ITIH4: variants seen among roughly 807,000 people sequenced by gnomAD.
ITIH4 encodes inter-alpha-trypsin inhibitor heavy chain H4.
A neutral mutation model predicts 111.8 loss-of-function variants in ITIH4; 79 were observed. That is an observed-to-expected ratio of 0.71 (90% CI 0.59 to 0.85). The LOEUF (loss-of-function observed/expected upper bound fraction) is 0.85, where lower values mean the gene tolerates loss of function less well. ITIH4 is among the 40% of genes least tolerant of loss of function. The pLI, the probability that ITIH4 is intolerant of heterozygous loss-of-function variation, is 0.00. For synonymous variants in ITIH4, 472 were observed against 468.3 expected (o/e 1.01, Z -0.10); for missense variants, 1,065 against 1,195.8 (o/e 0.89, Z 1.61).
At position 52,823,604 on chromosome 3, in the gene ITIH4, G is replaced by C; in HGVS notation, c.1491C>G (p.Leu497=). 4.3e-6 allele frequency: 7 copies of C among 1,613,870 alleles called. 1 individual carries two copies. Among genetic ancestry groups the C allele is most frequent in the South Asian group, 2.2e-5 (2 of 91,046 alleles). Residue 497 remains leucine (L), a synonymous_variant, in exon 11 of 24, where the codon CTC becomes CTG. Coordinates refer to ENST00000266041, the MANE Select transcript of ITIH4 (RefSeq NM_002218.5). ...KGSEMVVAGK[L]QDRGPDVLTA... ...TGAGCACATCAGGCCCCCGGTCCTG[G>C]AGCTTCCCAGCCACCACCATCTCTG...
At chr3:52,820,825 T>C in intron 12 of ITIH4, 40 bp from the exon 13 acceptor site, 1 of 1,572,738 alleles carries the variant, frequency 6.4e-7, no homozygotes, top group Non-Finnish European at 8.6e-7. Flanking sequence ...GATCCTTGAA[T>C]TCGGGAACAG....
intron 11 of ITIH4, among the ~76,000 whole-genome samples, chr3:52,822,788 C>T (rs1447719295): frequency 6.6e-6 from 1 of 152,188 alleles, no homozygotes; most frequent in Admixed American, 6.5e-5. Flanking sequence ...ACACGCTGCC[C>T]TCATGCCACA....
rs764294553 is a variant in ITIH4, at chr3:52,824,822, C to T, written c.876+20G>A. On this transcript the variant is annotated intron_variant, in intron 7 of 23. Transcript: ENST00000266041. The surrounding 1 kb of genome is among the most constrained non-coding windows in gnomAD (Gnocchi z 4.3). ...GGGCCTGGGAGTTTTCAGGGCCCTGCCCTGGGCCACAGGACCTACCTGCTG... is the reference window on the plus strand; with the variant it reads ...GGGCCTGGGAGTTTTCAGGGCCCTGTCCTGGGCCACAGGACCTACCTGCTG... The T allele has an allele frequency of 6.3e-7, 1 of 1,581,566 alleles. No individual in the cohort carries two copies. The highest frequency in any genetic ancestry group is 2.2e-5 in the East Asian group (1 of 44,726).
chr3:52,823,455 G>T, intron 11 of ITIH4, 101 bp downstream of exon 11: 1 of 944,154 alleles, frequency 1.1e-6, no homozygotes. Context: ...GCAGCAGAGG[G>T]GAAAGCTGGA....
Position 52,818,103 on chromosome 3 carries a change from C to T in ITIH4, c.2245G>A (p.Asp749Asn), listed in dbSNP as rs771733239. Residue 749 changes from aspartate to asparagine, a missense_variant, in exon 20 of 24, where the codon GAC becomes AAC. Asp to Asn is a conservative substitution (Grantham distance 23, BLOSUM62 1). Transcript: ENST00000266041. ...ACTGGCCCCTGGCGGTGTCTGGGGT[C>T]CACACAGAGCCGCTCCACACTCTGC... ...PGQSVERLCVDPRHRQGPVNL... is the reference protein window; with the variant it reads ...PGQSVERLCVNPRHRQGPVNL... 3 of 1,613,812 alleles carry T rather than the reference C, an allele frequency of 1.9e-6. No homozygotes were observed. The Admixed American group carries it at 5.0e-5, about 27-fold the overall frequency.
At position 52,818,116 on chromosome 3, in the gene ITIH4, C is replaced by T. The variant is rs900238388; in HGVS notation, c.2232G>A (p.Glu744=). The change falls in exon 20 of 24, where the codon GAG becomes GAA. Residue 744 remains glutamate (E), a synonymous_variant. Coordinates refer to ENST00000266041, the MANE Select transcript of ITIH4 (RefSeq NM_002218.5). ...GGTGTCTGGGGTCCACACAGAGCCG[C>T]TCCACACTCTGCCCAGGCAGTGGCA... The part of the protein sequence containing the change: ...AILPLPGQSV[E]RLCVDPRHRQ... 2 of 1,613,874 alleles carry T rather than the reference C, an allele frequency of 1.2e-6. No individual in the cohort carries two copies. The highest frequency in any genetic ancestry group is 1.7e-5 in the Admixed American group (1 of 60,010).
At chr3:52,823,195 G>A (rs1246449716) in intron 11 of ITIH4, 3 of 197,796 alleles carry the variant, frequency 1.5e-5, no homozygotes, top group African/African-American at 7.0e-5. Context: ...TGGGGCCCGG[G>A]GAAAGCTGCC....
chr3:52,813,905 G>A, intron 23 of ITIH4, 70 bp downstream of exon 23: 1 of 1,236,374 alleles, frequency 8.1e-7, no homozygotes, highest in Non-Finnish European at 1.2e-6. Flanking sequence ...GCCCTGGAGA[G>A]CCTGGCTCCT....
rs1431638210 is a variant in ITIH4, at chr3:52,829,230, C to A, written c.140G>T (p.Arg47Leu). The A allele has an allele frequency of 1.9e-6, 3 of 1,613,468 alleles. No individual in the cohort carries two copies. Among genetic ancestry groups the A allele is most frequent in the Non-Finnish European group, 2.5e-6 (3 of 1,179,518 alleles). The change falls in exon 2 of 24, where the codon CGA (arginine) becomes CTA (leucine). Residue 47 changes from arginine (R) to leucine (L), a missense_variant. Transcript: ENST00000266041. Reference sequence around the variant, plus strand: ...GCTGGTGACGACCGTGTGGGCAAATCGGGATGAGACCCTGGAGTCCACGGT... The same window carrying A: ...GCTGGTGACGACCGTGTGGGCAAATAGGGATGAGACCCTGGAGTCCACGGT... ...SLTVDSRVSS[R>L]FAHTVVTSRV...
intron 13 of ITIH4, 27 bp from the exon 14 acceptor site, chr3:52,820,344 G>GAC (rs1559479536): frequency 6.2e-7 from 1 of 1,600,684 alleles, no homozygotes; most frequent in African/African-American, 1.3e-5. Flanking sequence ...GAGAGAGAGA[G>GAC]ACAGACAGAC....
intron 21 of ITIH4, among the ~76,000 whole-genome samples, chr3:52,815,234 TTTTTC>T (rs1700260519): frequency 6.8e-6 from 1 of 147,926 alleles, no homozygotes; most frequent in African/African-American, 2.6e-5. Context: ...TATGTGGGTT[TTTTTC>T]TTTTTTCTTT....
intron 2 of ITIH4, among the ~76,000 whole-genome samples, chr3:52,827,444 G>A (rs1700502253): frequency 6.6e-6 from 1 of 152,248 alleles, no homozygotes. Flanking sequence ...TCATTTTATA[G>A]AAGGGACGAA....
At chr3:52,827,557 A>C (rs535268509) in intron 2 of ITIH4, among the ~76,000 whole-genome samples, 37 of 152,208 alleles carry the variant, frequency 2.4e-4, no homozygotes, top group Admixed American at 4.6e-4. Flanking sequence ...CTTCCATTTC[A>C]CGGACTGTTC....
Position 52,825,937 on chromosome 3 carries a change from G to A in ITIH4, c.708C>T (p.Asn236=), listed in dbSNP as rs145303130. 1.2e-6 allele frequency: 2 copies of A among 1,614,044 alleles called. No individual in the cohort carries two copies. The highest frequency in any genetic ancestry group is 1.3e-5 in the African/African-American group (1 of 74,912). The change falls in exon 6 of 24, where the codon AAC becomes AAT. Residue 236 remains asparagine, a synonymous_variant. Transcript: ENST00000266041. Reference sequence around the variant, plus strand: ...GGTCCACATCATAGCGGATAATGAGGTTGCCGTCCAGGACTGTTTCTTGCT... The same window carrying A: ...GGTCCACATCATAGCGGATAATGAGATTGCCGTCCAGGACTGTTTCTTGCT... ...PEQQETVLDG[N]LIIRYDVDRA...
chr3:52,814,412 A>C (rs373966086), intron 21 of ITIH4, 49 bp from the exon 22 acceptor site: 3 of 1,555,000 alleles, frequency 1.9e-6, no homozygotes, highest in Non-Finnish European at 2.7e-6. Flanking sequence ...ACGTGTGCAC[A>C]GAACCTCAGT....
intron 1 of ITIH4, chr3:52,830,258 G>A (rs769491248): frequency 7.3e-5 from 33 of 451,972 alleles, no homozygotes; most frequent in Non-Finnish European, 1.3e-4. Context: ...TTGAGACATA[G>A]TCAGCATAAA....
Position 52,824,106 on chromosome 3 carries a change from G to T in ITIH4, c.1171+84C>A. The T allele has an allele frequency of 6.3e-7, 1 of 1,584,702 alleles. No individual in the cohort carries two copies. Among genetic ancestry groups the T allele is most frequent in the Non-Finnish European group, 8.6e-7 (1 of 1,161,372 alleles). Reference sequence around the variant, plus strand: ...GGGGCCTCAGTGACCCCCTCTCCCTGCCCAGATCCCACAGCAAGCCCAGGT... The same window carrying T: ...GGGGCCTCAGTGACCCCCTCTCCCTTCCCAGATCCCACAGCAAGCCCAGGT... On this transcript the variant is annotated intron_variant, in intron 9 of 23. Coordinates refer to ENST00000266041, the MANE Select transcript of ITIH4 (RefSeq NM_002218.5). The surrounding 1 kb of genome is among the most constrained non-coding windows in gnomAD (Gnocchi z 4.3).
At chr3:52,823,253 C>T (rs1004707473) in intron 11 of ITIH4, 1 of 333,108 alleles carries the variant, frequency 3.0e-6, no homozygotes, top group African/African-American at 2.1e-5. Flanking sequence ...AGGAGCAGCC[C>T]TCCCTGTCTG....
chr3:52,824,920 C>G lies in ITIH4; in HGVS notation c.798G>C (p.Glu266Asp). 2 of 1,613,982 alleles carry G rather than the reference C, an allele frequency of 1.2e-6. No individual in the cohort carries two copies. Among genetic ancestry groups the G allele is most frequent in the Non-Finnish European group, 1.7e-6 (2 of 1,179,948 alleles). ...CATTCTTGGGCATTGTGGTTAGGCCCTCGGGGGCAAAGTAGTGTACAAAGT... is the reference window on the plus strand; with the variant it reads ...CATTCTTGGGCATTGTGGTTAGGCCGTCGGGGGCAAAGTAGTGTACAAAGT... ...NGYFVHYFAP[E>D]GLTTMPKNVV... Residue 266 changes from glutamate (E) to aspartate (D), a missense_variant, in exon 7 of 24, where the codon GAG (glutamate) becomes GAC (aspartate). Coordinates refer to ENST00000266041, the MANE Select transcript of ITIH4 (RefSeq NM_002218.5). The surrounding 1 kb of genome is among the most constrained non-coding windows in gnomAD (Gnocchi z 4.3).
Sources: gnomAD v4.1 joint callset for allele counts (sites outside exome capture counted in the v4.1 genomes callset) on GRCh38, gnomAD v4.1.1 for gene constraint, Gnocchi (gnomAD v3.1) non-coding constraint, MANE v1.5 for transcripts, NCBI Gene and HGNC (gene_info 2026-07-23, HGNC 2026-07-21) for gene names.